Variants in SMOX observed in about 807,000 individuals in gnomAD.
SMOX encodes flavin containing amine oxidase.
SMOX carries 22 observed loss-of-function variants against 51.0 expected under a neutral mutation model. That is an observed-to-expected ratio of 0.43 (90% CI 0.31 to 0.62). The LOEUF is 0.62. SMOX is among the 20% of genes least tolerant of loss of function. SMOX has a pLI of 0.10. For synonymous variants in SMOX, 282 were observed against 307.8 expected (o/e 0.92, Z 0.88); for missense variants, 566 against 777.7 (o/e 0.73, Z 3.24).
rs780007302 is a variant in SMOX at position 4,170,204 on chromosome 20, T to A, written c.-26-4826T>A. Among the ~76,000 whole-genome samples the A allele has an allele frequency of 7.2e-5, 11 of 151,962 alleles. No homozygotes were observed. The highest frequency in any genetic ancestry group is 1.3e-4 in the Non-Finnish European group (9 of 67,972). On this transcript the variant is annotated intron_variant, in intron 1 of 6. Coordinates refer to ENST00000305958, the MANE Select transcript of SMOX (RefSeq NM_175839.3). This position sits in a 1 kb window ranked among gnomAD's most constrained non-coding sequence, Gnocchi z 4.6. ...CAGTTGGGGGTGGAGGTGACATGAT[T>A]CAGGCTGTGGAGTTGCCATGGCTTG... is the stretch of plus-strand genomic sequence containing the variant.
chr20:4,163,277 T>G (rs1286993262), intron 1 of SMOX, among the ~76,000 whole-genome samples: 3 of 152,202 alleles, frequency 2.0e-5, no homozygotes, highest in African/African-American at 7.2e-5. Context: ...GTAGGGGTTA[T>G]TTGTAAAAAT....
At chr20:4,180,643 T>C (rs563010805) in intron 3 of SMOX, among the ~76,000 whole-genome samples, 1 of 152,282 alleles carries the variant, frequency 6.6e-6, no homozygotes, top group South Asian at 2.1e-4. Context: ...CTGCCTGCCC[T>C]TCCAAAGTCG....
At chr20:4,184,817 A>AAAAAG (rs1305241301) in intron 6 of SMOX, among the ~76,000 whole-genome samples, 1 of 152,254 alleles carries the variant, frequency 6.6e-6, no homozygotes. Context: ...TGCATGTAGC[A>AAAAAG]AAAAGCAAAG....
At chr20:4,155,312 TTGCTGCCGCTGATGGTTACGTGAGC>T (rs1371094838) in intron 1 of SMOX, among the ~76,000 whole-genome samples, 1 of 152,148 alleles carries the variant, frequency 6.6e-6, no homozygotes, top group Non-Finnish European at 1.5e-5. Flanking sequence ...CAAGTCCTTG[TTGCTGCCGCTGATGGTTACGTGAGC>T]TGCTGTCACT....
chr20:4,162,385 G>A (rs1338889629), intron 1 of SMOX, among the ~76,000 whole-genome samples: 1 of 152,232 alleles, frequency 6.6e-6, no homozygotes, highest in Non-Finnish European at 1.5e-5. Flanking sequence ...AAGGGACAGT[G>A]TTGGAATCAC....
intron 6 of SMOX, chr20:4,186,848 A>G (rs371832956): frequency 2.2e-5 from 17 of 779,898 alleles, no homozygotes; most frequent in African/African-American, 1.9e-4. Context: ...TCAAATTACC[A>G]CCGACTTTAT....
chr20:4,168,588 G>T (rs1238862084), intron 1 of SMOX, among the ~76,000 whole-genome samples: 2 of 148,618 alleles, frequency 1.3e-5, no homozygotes, highest in African/African-American at 2.5e-5. Context: ...ACGGAGTCTC[G>T]CTCTGTCACC....
rs1362985211 is a variant in SMOX at position 4,187,570 on chromosome 20, T to C, written c.*163T>C. 2.8e-6 allele frequency: 3 copies of C among 1,061,934 alleles called. No homozygotes were observed. The highest frequency in any genetic ancestry group is 1.8e-5 in the South Asian group (1 of 56,234). 65.8% of individuals were successfully genotyped at this position (1,061,934 alleles called of 1,614,324 possible). A position where few individuals can be genotyped will look rare whatever the true frequency, so the allele number is the denominator to read the frequency against. On this transcript the variant is annotated 3_prime_UTR_variant, in exon 7 of 7. Transcript: ENST00000305958. This position sits in a 1 kb window ranked among gnomAD's most constrained non-coding sequence, Gnocchi z 4.8. ...AGACCTGGCCCTGTAGCTTTTCTTTTTCTCCAGGCTGGGCCGTGAGCAGGT... is the reference window on the plus strand; with the variant it reads ...AGACCTGGCCCTGTAGCTTTTCTTTCTCTCCAGGCTGGGCCGTGAGCAGGT...
rs548267801 is a variant in SMOX, at chr20:4,182,969, C to T, written c.1369+121C>T. On this transcript the variant is annotated intron_variant, in intron 5 of 6. Transcript: ENST00000305958. This position sits in a 1 kb window ranked among gnomAD's most constrained non-coding sequence, Gnocchi z 8.4. ...CGTGAAGCTCGGATGCTGTGCCCCA[C>T]GGGAGAGCCACTGCAGGGTGCCACA... 737 of 1,377,174 alleles carry T rather than the reference C, an allele frequency of 5.4e-4. 1 individual carries two copies. In the African/African-American group the frequency reaches 5.9e-3, roughly 11 times the overall value. The allele number at this position is 1,377,174 out of a possible 1,614,324, so 85.3% of individuals were successfully genotyped here. A position where few individuals can be genotyped will look rare whatever the true frequency, so the allele number is the denominator to read the frequency against.
rs557203492 is a variant in SMOX at position 4,166,718 on chromosome 20, G to C, written c.-26-8312G>C. On this transcript the variant is annotated intron_variant, in intron 1 of 6. Coordinates refer to ENST00000305958, the MANE Select transcript of SMOX (RefSeq NM_175839.3). This position sits in a 1 kb window ranked among gnomAD's most constrained non-coding sequence, Gnocchi z 4.2. ...TGGCCCCAGAGTGCTCACCTCTCCC[G>C]GGGGCCTCCCGCTCTTGCCTCCCAG... is the stretch of plus-strand genomic sequence containing the variant. 2.0e-4 allele frequency among the ~76,000 whole-genome samples: 31 copies of C among 152,172 alleles called. No individual in the cohort carries two copies. The highest frequency in any genetic ancestry group is 2.9e-4 in the Non-Finnish European group (20 of 68,034).
intron 1 of SMOX, among the ~76,000 whole-genome samples, chr20:4,156,895 A>G (rs1005795057): frequency 2.6e-5 from 4 of 152,052 alleles, no homozygotes; most frequent in African/African-American, 9.7e-5. Context: ...GGCGCTCACC[A>G]CCACGCCCTG....
At chr20:4,156,767 G>C (rs192180547) in intron 1 of SMOX, among the ~76,000 whole-genome samples, 4 of 152,214 alleles carry the variant, frequency 2.6e-5, no homozygotes, top group Admixed American at 6.5e-5. Context: ...TTTTGAGATG[G>C]AGCCTCACTC....
chr20:4,184,883 A>G (rs1979620647), intron 6 of SMOX, among the ~76,000 whole-genome samples: 1 of 152,266 alleles, frequency 6.6e-6, no homozygotes, highest in South Asian at 2.1e-4. Context: ...ATCTGGAGGC[A>G]GGCAGCAGGA....
chr20:4,185,845 A>G (rs1325518568), intron 6 of SMOX, among the ~76,000 whole-genome samples: 1 of 91,258 alleles, frequency 1.1e-5, no homozygotes, highest in African/African-American at 5.2e-5. Flanking sequence ...GTGAGTTGAG[A>G]TCATGCCATT....
rs143929174 is a variant in SMOX at position 4,164,350 on chromosome 20, A to C, written c.-26-10680A>C. 2.6e-4 allele frequency among the ~76,000 whole-genome samples: 39 copies of C among 152,308 alleles called. No individual in the cohort carries two copies. The East Asian group carries it at 7.0e-3, about 27-fold the overall frequency. Reference sequence around the variant, plus strand: ...GGAAAACATAAGGACTATTGCTGCTACACATCTGGCTCTGGGATAAGCCAT... The same window carrying C: ...GGAAAACATAAGGACTATTGCTGCTCCACATCTGGCTCTGGGATAAGCCAT... On this transcript the variant is annotated intron_variant, in intron 1 of 6. Transcript: ENST00000305958.
At chr20:4,156,901 C>T (rs528022827) in intron 1 of SMOX, among the ~76,000 whole-genome samples, 2 of 152,284 alleles carry the variant, frequency 1.3e-5, no homozygotes, top group East Asian at 3.9e-4. Flanking sequence ...CACCACCACG[C>T]CCTGCTAATT....
At chr20:4,178,846 G>C (rs569925165) in intron 3 of SMOX, among the ~76,000 whole-genome samples, 3 of 152,224 alleles carry the variant, frequency 2.0e-5, no homozygotes, top group African/African-American at 7.2e-5. Flanking sequence ...ACCATGCCCA[G>C]CTAATTTTGT....
chr20:4,155,755 C>T (rs1985992664), intron 1 of SMOX, among the ~76,000 whole-genome samples: 2 of 152,180 alleles, frequency 1.3e-5, no homozygotes, highest in South Asian at 4.2e-4. Context: ...GGGTGCGTAT[C>T]TGAGGACACT....
intron 1 of SMOX, among the ~76,000 whole-genome samples, chr20:4,151,041 A>G (rs1985726916): frequency 6.6e-6 from 1 of 152,058 alleles, no homozygotes; most frequent in East Asian, 1.9e-4. Context: ...CATGTTGCCC[A>G]GGCTGGTCTC....
Sources: allele counts gnomAD v4.1 joint callset (sites outside exome capture counted in the v4.1 genomes callset), GRCh38; gene constraint gnomAD v4.1.1; non-coding constraint Gnocchi (gnomAD v3.1); transcripts MANE v1.5; gene names NCBI Gene and HGNC (gene_info 2026-07-23, HGNC 2026-07-21).